MACROD2: variants seen among roughly 807,000 people sequenced by gnomAD.
MACROD2 encodes the protein mono-ADP ribosylhydrolase 2.
A neutral mutation model predicts 70.4 loss-of-function variants in MACROD2; 36 were observed. The ratio of observed to expected loss-of-function variants is 0.51; its 90% CI spans 0.39 to 0.68. The LOEUF is 0.68. Ranked by LOEUF, MACROD2 falls within the 30% of genes least tolerant of loss-of-function variation. The pLI is 0.00. For synonymous variants in MACROD2, 172 were observed against 178.8 expected (o/e 0.96, Z 0.30); for missense variants, 496 against 538.4 (o/e 0.92, Z 0.78).
At chr20:14,804,892 T>TGAGA (rs34257583) in intron 5 of MACROD2, among the ~76,000 whole-genome samples, 10 of 148,626 alleles carry the variant, frequency 6.7e-5, no homozygotes, top group South Asian at 2.1e-4. Context: ...TGTGTGTGTG[T>TGAGA]GAGAGAGAGA....
chr20:15,396,981 A>G (rs1190103480), intron 6 of MACROD2, among the ~76,000 whole-genome samples: 2 of 152,330 alleles, frequency 1.3e-5, no homozygotes, highest in East Asian at 1.9e-4. Context: ...GTGCCTGACT[A>G]TGCTTTCTCT....
chr20:15,607,465 G>A (rs2048909403), intron 8 of MACROD2, among the ~76,000 whole-genome samples: 1 of 152,156 alleles, frequency 6.6e-6, no homozygotes, highest in Admixed American at 6.5e-5. Context: ...TGCTCTTAAT[G>A]GTACTCTAAA....
intron 5 of MACROD2, among the ~76,000 whole-genome samples, chr20:14,798,098 A>G (rs1207955709): frequency 6.6e-6 from 1 of 152,076 alleles, no homozygotes; most frequent in Non-Finnish European, 1.5e-5. Flanking sequence ...ATGGGGCTCT[A>G]TGGACAAGTA....
intron 4 of MACROD2, among the ~76,000 whole-genome samples, chr20:14,517,428 A>G (rs1312180446): frequency 6.6e-6 from 1 of 152,170 alleles, no homozygotes; most frequent in Non-Finnish European, 1.5e-5. Flanking sequence ...TCAGCAAAGT[A>G]ACACAGGAAC....
chr20:14,030,714 CA>C (rs1269676271), intron 2 of MACROD2, among the ~76,000 whole-genome samples: 2 of 151,818 alleles, frequency 1.3e-5, no homozygotes, highest in African/African-American at 2.4e-5. Flanking sequence ...TATTTTTAAT[CA>C]AAAAAAGGTT....
At chr20:15,821,990 T>C (rs7270597) in intron 8 of MACROD2, among the ~76,000 whole-genome samples, 22,116 of 152,214 alleles carry the variant, frequency 0.15, 1,664 homozygotes, top group Middle Eastern at 0.31. Context: ...ACACTCAATC[T>C]AGAGCCCTGG....
chr20:15,811,348 C>T (rs577427699), intron 8 of MACROD2, among the ~76,000 whole-genome samples: 10 of 151,846 alleles, frequency 6.6e-5, no homozygotes, highest in Non-Finnish European at 1.5e-4. Context: ...TGCTCATCAT[C>T]ACTGGCCATC....
chr20:15,104,179 G>T (rs909967136), intron 5 of MACROD2, among the ~76,000 whole-genome samples: 5 of 152,128 alleles, frequency 3.3e-5, no homozygotes, highest in African/African-American at 1.2e-4. Flanking sequence ...CAATAAAGTG[G>T]CTCTTGGGAC....
chr20:15,920,385 A>G (rs751935390), intron 10 of MACROD2, among the ~76,000 whole-genome samples: 1 of 152,212 alleles, frequency 6.6e-6, no homozygotes, highest in Non-Finnish European at 1.5e-5. Context: ...GAAAGGAAAA[A>G]ATAAGCTAAC....
intron 5 of MACROD2, among the ~76,000 whole-genome samples, chr20:15,227,075 C>T (rs764399939): frequency 1.3e-4 from 20 of 151,660 alleles, no homozygotes; most frequent in African/African-American, 2.4e-4. Context: ...TCATGTTGGT[C>T]GATAATAACA....
At chr20:14,213,893 T>G (rs2122142072) in intron 3 of MACROD2, among the ~76,000 whole-genome samples, 1 of 152,212 alleles carries the variant, frequency 6.6e-6, no homozygotes, top group African/African-American at 2.4e-5. Context: ...AAGAGAAGAT[T>G]AAAAGGAGTC....
At chr20:14,078,209 T>A (rs11699348) in intron 2 of MACROD2, among the ~76,000 whole-genome samples, 6,462 of 151,290 alleles carry the variant, frequency 0.043, 147 homozygotes, top group Non-Finnish European at 0.052. Flanking sequence ...GCCGCCTCTT[T>A]ACCTTTTAAG....
intron 3 of MACROD2, among the ~76,000 whole-genome samples, chr20:14,378,399 C>T (rs2083392741): frequency 6.6e-6 from 1 of 152,150 alleles, no homozygotes; most frequent in Non-Finnish European, 1.5e-5. Flanking sequence ...CTAGTTGTAG[C>T]TCACATAAAA....
chr20:14,161,995 C>CT (rs1342834938), intron 3 of MACROD2, among the ~76,000 whole-genome samples: 1 of 152,112 alleles, frequency 6.6e-6, no homozygotes, highest in African/African-American at 2.4e-5. Context: ...CTCTTTCTAC[C>CT]TTTTTGATGT....
intron 6 of MACROD2, among the ~76,000 whole-genome samples, chr20:15,422,436 T>G (rs889117698): frequency 6.6e-5 from 10 of 152,258 alleles, no homozygotes; most frequent in Non-Finnish European, 1.3e-4. Context: ...AATCAATTAC[T>G]CTTTATACGA....
chr20:14,490,963 A>C (rs756271176), intron 3 of MACROD2, among the ~76,000 whole-genome samples: 15 of 152,178 alleles, frequency 9.9e-5, no homozygotes, highest in African/African-American at 3.6e-4. Flanking sequence ...ATGCAGGCCA[A>C]ACCATTGAAC....
intron 4 of MACROD2, among the ~76,000 whole-genome samples, chr20:14,497,607 G>T (rs1253197662): frequency 6.6e-6 from 1 of 151,620 alleles, no homozygotes; most frequent in African/African-American, 2.4e-5. Context: ...CAAGCAGGAT[G>T]TTGTTTATGG....
intron 4 of MACROD2, among the ~76,000 whole-genome samples, chr20:14,650,675 T>C (rs1221229867): frequency 1.3e-5 from 2 of 152,216 alleles, no homozygotes; most frequent in African/African-American, 4.8e-5. Flanking sequence ...GATTAGTTCC[T>C]TTTATCCTTC....
At chr20:14,929,706 C>T (rs1246434624) in intron 5 of MACROD2, among the ~76,000 whole-genome samples, 1 of 152,084 alleles carries the variant, frequency 6.6e-6, no homozygotes, top group Non-Finnish European at 1.5e-5. Context: ...CTCCCATCCT[C>T]TGAGTCACCT....
Sources: allele counts gnomAD v4.1 joint callset (sites outside exome capture counted in the v4.1 genomes callset), GRCh38; gene constraint gnomAD v4.1.1; transcripts MANE v1.5; gene names NCBI Gene and HGNC (gene_info 2026-07-23, HGNC 2026-07-21).